The following LRFN5 variants were observed in gnomAD, a reference collection of about 807,000 sequenced individuals.
LRFN5 encodes leucine-rich repeat and fibronectin type-III domain-containing protein 5.
Under a neutral mutation model 45.6 loss-of-function variants are expected in LRFN5, and 24 were observed. The observed-to-expected ratio is 0.53, with a 90% CI of 0.38 to 0.74. LRFN5 has a LOEUF of 0.74. Among genes scored for constraint, LRFN5 ranks in the 30% least tolerant of loss-of-function variants. The probability of loss-of-function intolerance (pLI) is 0.00; values close to 1 mark genes in which losing one functional copy is unlikely to be tolerated. For missense variants in LRFN5, 776 were observed against 861.5 expected, an observed-to-expected ratio of 0.90 and a Z score of 1.24; for synonymous variants, 340 against 313.8, an observed-to-expected ratio of 1.08 and a Z score of -0.88.
chr14:41,898,726 T>C (rs1024773424), intron 4 of LRFN5, among the ~76,000 whole-genome samples, 191 bp from the exon 5 acceptor site: 2 of 151,998 alleles, frequency 1.3e-5, no homozygotes, highest in Non-Finnish European at 2.9e-5. Context: ...AAAGTAGACA[T>C]AGAGAACTGA....
At chr14:41,807,889 T>A (rs1311487374) in intron 2 of LRFN5, among the ~76,000 whole-genome samples, 1 of 151,978 alleles carries the variant, frequency 6.6e-6, no homozygotes, top group Non-Finnish European at 1.5e-5. Context: ...ATTTTGAGGC[T>A]GACGCCATCG....
chr14:41,734,365 T>G (rs1426952487), intron 1 of LRFN5, among the ~76,000 whole-genome samples: 1 of 119,016 alleles, frequency 8.4e-6, no homozygotes, highest in African/African-American at 3.0e-5. Flanking sequence ...CTGTAACTTA[T>G]TGATGAATTG....
intron 2 of LRFN5, among the ~76,000 whole-genome samples, chr14:41,783,559 T>C (rs544852145): frequency 1.7e-4 from 26 of 152,242 alleles, no homozygotes; most frequent in Admixed American, 9.2e-4. Context: ...GTTGGTAGTT[T>C]AGAGGTTTCA....
intron 2 of LRFN5, among the ~76,000 whole-genome samples, chr14:41,823,616 G>C (rs1888200366): frequency 6.6e-6 from 1 of 152,072 alleles, no homozygotes; most frequent in South Asian, 2.1e-4. Flanking sequence ...ATGACTATGT[G>C]CCTTGGTGAA....
At chr14:41,633,748 G>A (rs1888630242) in intron 1 of LRFN5, among the ~76,000 whole-genome samples, 1 of 151,952 alleles carries the variant, frequency 6.6e-6, no homozygotes, top group Non-Finnish European at 1.5e-5. Context: ...GCCTTCTCTA[G>A]TTAGAAAATT....
intron 2 of LRFN5, among the ~76,000 whole-genome samples, chr14:41,813,021 G>C (rs533780015): frequency 6.6e-6 from 1 of 152,154 alleles, no homozygotes; most frequent in Non-Finnish European, 1.5e-5. Context: ...TGAAAGTGAT[G>C]AGAAATAGAT....
chr14:41,706,235 G>A (rs1249836901), intron 1 of LRFN5, among the ~76,000 whole-genome samples: 2 of 151,952 alleles, frequency 1.3e-5, no homozygotes, highest in African/African-American at 4.8e-5. Flanking sequence ...TGAGTAGCTG[G>A]GATTACAGGC....
At chr14:41,816,258 C>CAT (rs1028433643) in intron 2 of LRFN5, among the ~76,000 whole-genome samples, 5 of 151,856 alleles carry the variant, frequency 3.3e-5, no homozygotes, top group Non-Finnish European at 7.4e-5. Flanking sequence ...ATTTCACACA[C>CAT]ATATATATAT....
intron 1 of LRFN5, among the ~76,000 whole-genome samples, chr14:41,670,353 G>A (rs181154813): frequency 0.019 from 2,523 of 135,300 alleles, 82 homozygotes; most frequent in African/African-American, 0.065. Flanking sequence ...TATTATTAAA[G>A]GTGATACATG....
chr14:41,620,610 C>A (rs1270136245), intron 1 of LRFN5, among the ~76,000 whole-genome samples: 1 of 151,884 alleles, frequency 6.6e-6, no homozygotes, highest in African/African-American at 2.4e-5. Context: ...TTTAATAGTT[C>A]TATTTCTTTT....
intron 1 of LRFN5, among the ~76,000 whole-genome samples, chr14:41,722,789 C>T (rs1883780860): frequency 6.6e-6 from 1 of 152,136 alleles, no homozygotes. Flanking sequence ...TTCTTGTTTA[C>T]TGGGAGCTCT....
intron 1 of LRFN5, among the ~76,000 whole-genome samples, chr14:41,619,598 A>C (rs1888046771): frequency 6.6e-6 from 1 of 152,006 alleles, no homozygotes; most frequent in Non-Finnish European, 1.5e-5. Context: ...TTAGAATCTA[A>C]TGTAAGATAG....
At chr14:41,639,079 G>A (rs1214097001) in intron 1 of LRFN5, among the ~76,000 whole-genome samples, 5 of 151,970 alleles carry the variant, frequency 3.3e-5, no homozygotes, top group Non-Finnish European at 5.9e-5. Context: ...AATGGAGCTA[G>A]AGTCTTATGA....
At chr14:41,753,859 A>T (rs1885249121) in intron 1 of LRFN5, among the ~76,000 whole-genome samples, 1 of 152,156 alleles carries the variant, frequency 6.6e-6, no homozygotes, top group South Asian at 2.1e-4. Flanking sequence ...TTCAAAGGGA[A>T]TGCTTCCAGT....
At chr14:41,895,648 A>G (rs573104264) in intron 4 of LRFN5, among the ~76,000 whole-genome samples, 3 of 152,134 alleles carry the variant, frequency 2.0e-5, no homozygotes, top group Non-Finnish European at 1.5e-5. Flanking sequence ...AAAAAAGTAA[A>G]TAAATGAATA....
chr14:41,875,692 A>G (rs1865267726), intron 2 of LRFN5, among the ~76,000 whole-genome samples: 1 of 152,238 alleles, frequency 6.6e-6, no homozygotes, highest in Non-Finnish European at 1.5e-5. Flanking sequence ...ATGAATGACT[A>G]TAGTTAAGTG....
chr14:41,822,101 T>TAATA (rs1486694641), intron 2 of LRFN5, among the ~76,000 whole-genome samples: 3 of 151,984 alleles, frequency 2.0e-5, no homozygotes, highest in Non-Finnish European at 4.4e-5. Context: ...TTTATCTTTT[T>TAATA]AAGTAACATA....
At chr14:41,801,036 A>G (rs1007620375) in intron 2 of LRFN5, among the ~76,000 whole-genome samples, 2 of 152,118 alleles carry the variant, frequency 1.3e-5, no homozygotes, top group African/African-American at 4.8e-5. Context: ...TATAATGACA[A>G]TATCACACTA....
chr14:41,721,202 C>CT (rs911682538), intron 1 of LRFN5, among the ~76,000 whole-genome samples: 1 of 151,878 alleles, frequency 6.6e-6, no homozygotes, highest in Non-Finnish European at 1.5e-5. Flanking sequence ...ATAGCAACTC[C>CT]TTTTTTTTCC....
Sources: allele counts gnomAD v4.1 joint callset (sites outside exome capture counted in the v4.1 genomes callset), GRCh38; gene constraint gnomAD v4.1.1; transcripts MANE v1.5; gene names NCBI Gene and HGNC (gene_info 2026-07-23, HGNC 2026-07-21).